Variants in HOMER2 observed in about 807,000 individuals in gnomAD.
The protein encoded by HOMER2 is homer protein homolog 2.
A neutral mutation model predicts 47.0 loss-of-function variants in HOMER2; 27 were observed. That is an observed-to-expected ratio of 0.57 (90% CI 0.42 to 0.79). The LOEUF is 0.79. Among genes scored for constraint, HOMER2 ranks in the 30% least tolerant of loss-of-function variants. The pLI, the probability that HOMER2 is intolerant of heterozygous loss-of-function variation, is 0.00. For missense variants in HOMER2, 443 were observed against 435.0 expected (o/e 1.02, Z -0.16); for synonymous variants, 161 against 163.8 (o/e 0.98, Z 0.13).
intron 1 of HOMER2, among the ~76,000 whole-genome samples, chr15:82,974,102 C>T (rs2030108313): frequency 6.6e-6 from 1 of 151,198 alleles, no homozygotes; most frequent in Non-Finnish European, 1.5e-5. Flanking sequence ...ATGTCCTTCC[C>T]ACTTAAAAAT....
upstream of HOMER2, among the ~76,000 whole-genome samples, chr15:82,956,618 AG>A (rs1403026081): frequency 6.6e-6 from 1 of 152,186 alleles, no homozygotes; most frequent in Non-Finnish European, 1.5e-5. Context: ...ACAAAAGATA[AG>A]GGTGGAGATG....
chr15:82,865,407 G>A (rs1769810289), intron 3 of HOMER2, among the ~76,000 whole-genome samples: 1 of 152,090 alleles, frequency 6.6e-6, no homozygotes, highest in Non-Finnish European at 1.5e-5. Context: ...GCAGAAAGCA[G>A]GGACAGTACA....
At chr15:82,939,927 T>G (rs2054225217) in intron 1 of HOMER2, among the ~76,000 whole-genome samples, 1 of 152,094 alleles carries the variant, frequency 6.6e-6, no homozygotes, top group African/African-American at 2.4e-5. Flanking sequence ...GGGACATGAA[T>G]GAAGCTAAAA....
intron 1 of HOMER2, among the ~76,000 whole-genome samples, chr15:82,943,922 C>T (rs530302180): frequency 8.5e-5 from 13 of 152,346 alleles, no homozygotes; most frequent in African/African-American, 3.1e-4. Flanking sequence ...GGCTCTCACC[C>T]TGACTCCTCT....
At chr15:82,906,820 G>C (rs902396308) in intron 1 of HOMER2, among the ~76,000 whole-genome samples, 1 of 152,164 alleles carries the variant, frequency 6.6e-6, no homozygotes, top group Non-Finnish European at 1.5e-5. Context: ...CTAGTCAAAA[G>C]ACAGCAGGAG....
chr15:82,964,288 G>A (rs1310028641), intron 1 of HOMER2, among the ~76,000 whole-genome samples: 2 of 152,154 alleles, frequency 1.3e-5, no homozygotes, highest in African/African-American at 2.4e-5. Flanking sequence ...GCCTACATAT[G>A]GCACAATTGT....
At position 82,882,906 on chromosome 15, in the gene HOMER2, T is replaced by TA. The variant is rs1491155919; in HGVS notation, c.163-7503dup. On this transcript the variant is annotated intron_variant, in intron 2 of 8. Transcript: ENST00000450735. ...CTTTTTTTTTTTTTTTTTTTTTTTT[T>TA]ATTATACTCTAAGTTTTAGGGTACA... 2.7e-4 allele frequency among the ~76,000 whole-genome samples: 7 copies of TA among 25,830 alleles called. 1 individual carries two copies. The highest frequency in any genetic ancestry group is 1.0e-3 in the African/African-American group (5 of 4,994). The allele number at this position is 25,830 out of a possible 152,430, so 16.9% of individuals were successfully genotyped here.
chr15:82,979,509 G>A (rs997106682), intron 1 of HOMER2, among the ~76,000 whole-genome samples: 2 of 152,182 alleles, frequency 1.3e-5, no homozygotes, highest in African/African-American at 4.8e-5. Context: ...AGAAGGGTCT[G>A]GAGGGGAGCA....
chr15:82,937,025 G>A (rs758585922), intron 1 of HOMER2, among the ~76,000 whole-genome samples: 39 of 152,344 alleles, frequency 2.6e-4, no homozygotes, highest in Non-Finnish European at 5.0e-4. Flanking sequence ...GGTTGGGTTA[G>A]GTTATAGCAG....
chr15:82,965,725 G>A (rs1215685689), intron 1 of HOMER2, among the ~76,000 whole-genome samples: 1 of 151,800 alleles, frequency 6.6e-6, no homozygotes, highest in Non-Finnish European at 1.5e-5. Flanking sequence ...TTATCAAGCA[G>A]CAGAGTGCAT....
At chr15:82,938,781 C>T (rs940020856) in intron 1 of HOMER2, among the ~76,000 whole-genome samples, 1 of 152,166 alleles carries the variant, frequency 6.6e-6, no homozygotes, top group Non-Finnish European at 1.5e-5. Context: ...CCTAACACTC[C>T]CACTCCCACA....
In HOMER2 at chr15:82,908,148, G is replaced by A. The variant is rs993320704; in HGVS notation, c.6-15307C>T. The stretch of plus-strand genomic sequence containing the variant: ...GACTGCTAATGGATTCTGACTTTCA[G>A]GGGGAATGAAAATGTTCTATAAAAT... On this transcript the variant is annotated intron_variant, in intron 1 of 8. Transcript: ENST00000450735. 4.4e-5 allele frequency among the ~76,000 whole-genome samples: 6 copies of A among 136,638 alleles called. No homozygotes were observed. The South Asian group carries it at 1.2e-3, about 28-fold the overall frequency. The allele number at this position is 136,638 out of a possible 152,430, so 89.6% of individuals were successfully genotyped here. A position where few individuals can be genotyped will look rare whatever the true frequency, so the allele number is the denominator to read the frequency against.
At chr15:82,863,078 C>A (rs1286274982) in intron 4 of HOMER2, among the ~76,000 whole-genome samples, 1 of 152,170 alleles carries the variant, frequency 6.6e-6, no homozygotes, top group Non-Finnish European at 1.5e-5. Context: ...GCACCCGAGA[C>A]TGCAGCTACT....
At chr15:82,919,920 T>C (rs557953399) in intron 1 of HOMER2, among the ~76,000 whole-genome samples, 1 of 152,342 alleles carries the variant, frequency 6.6e-6, no homozygotes, top group African/African-American at 2.4e-5. Context: ...ATTTTTAATT[T>C]TTGTGATGTT....
chr15:82,851,163 A>C lies in HOMER2; in HGVS notation c.831T>G (p.Ser277=). 2 of 1,580,350 alleles carry C rather than the reference A, an allele frequency of 1.3e-6. No homozygotes were observed. The highest frequency in any genetic ancestry group is 1.3e-5 in the African/African-American group (1 of 74,542). ...CCAACCCACGTACCTCTAGCTTCTC[A>C]GAGACATATTCGCACTCTGACATGA... ...PQLMSECEYV[S]EKLEAAERDN... The change falls in exon 8 of 9, where the codon TCT becomes TCG. Residue 277 remains serine, a synonymous_variant. Coordinates refer to ENST00000450735, the MANE Select transcript of HOMER2 (RefSeq NM_004839.4).
intron 5 of HOMER2, among the ~76,000 whole-genome samples, chr15:82,858,538 C>T (rs530874776): frequency 2.0e-5 from 3 of 152,300 alleles, no homozygotes; most frequent in East Asian, 3.9e-4. Flanking sequence ...TCAAGTGATC[C>T]GCCTGCCTTG....
chr15:82,912,659 C>T (rs978348404), intron 1 of HOMER2, among the ~76,000 whole-genome samples: 51 of 152,168 alleles, frequency 3.4e-4, no homozygotes, highest in Non-Finnish European at 1.3e-4. Context: ...TTTTGAGGAA[C>T]CGTCAGGCTG....
chr15:82,875,978 G>C (rs148509434), intron 2 of HOMER2, among the ~76,000 whole-genome samples: 106 of 152,350 alleles, frequency 7.0e-4, no homozygotes, highest in African/African-American at 2.4e-3. Flanking sequence ...TGTAAGGATG[G>C]TGCAGCAGCC....
chr15:82,870,076 T>C (rs571917605), intron 3 of HOMER2, among the ~76,000 whole-genome samples: 3 of 152,368 alleles, frequency 2.0e-5, no homozygotes, highest in South Asian at 4.1e-4. Flanking sequence ...ATTATCATGA[T>C]AGAAAATGAA....
Sources: allele counts gnomAD v4.1 joint callset (sites outside exome capture counted in the v4.1 genomes callset), GRCh38; gene constraint gnomAD v4.1.1; transcripts MANE v1.5; gene names NCBI Gene and HGNC (gene_info 2026-07-23, HGNC 2026-07-21).